ATP10B: variants seen among roughly 807,000 people sequenced by gnomAD.
The protein encoded by ATP10B is ATPase phospholipid transporting 10B (putative), also known as phospholipid-transporting ATPase VB.
ATP10B carries 122 observed loss-of-function variants against 141.2 expected under a neutral mutation model. The observed-to-expected ratio is 0.86, with a 90% CI of 0.75 to 1.00. ATP10B has a LOEUF of 1.00. ATP10B is among the 50% of genes least tolerant of loss of function. The probability of loss-of-function intolerance (pLI) is 0.00; values close to 1 mark genes in which losing one functional copy is unlikely to be tolerated. For synonymous variants in ATP10B, 685 were observed against 692.0 expected, an observed-to-expected ratio of 0.99 and a Z score of 0.16; for missense variants, 1,876 against 1,825.3, an observed-to-expected ratio of 1.03 and a Z score of -0.51.
intron 24 of ATP10B, among the ~76,000 whole-genome samples, chr5:160,581,866 CCCTT>C (rs1416206068): frequency 6.6e-6 from 1 of 151,530 alleles, no homozygotes; most frequent in Non-Finnish European, 1.5e-5. Context: ...GGATAGTTAG[CCCTT>C]CCTGTTGCAT....
At chr5:160,797,148 G>C (rs1772003599) in intron 1 of ATP10B, among the ~76,000 whole-genome samples, 1 of 152,098 alleles carries the variant, frequency 6.6e-6, no homozygotes, top group Admixed American at 6.5e-5. Context: ...CCCTGGCTGG[G>C]AAAGGCATCC....
In ATP10B at chr5:160,677,542, T is replaced by A. The variant is rs950944065; in HGVS notation, c.471-6875A>T. 1.1e-4 allele frequency among the ~76,000 whole-genome samples: 17 copies of A among 152,220 alleles called. 1 individual carries two copies. Among genetic ancestry groups the A allele is most frequent in the Admixed American group, 1.1e-3 (17 of 15,282 alleles). ...AGAGCTTGGAGTCGAGTTCTATGGT[T>A]AAAGATTTTTTTGTCTTCTTTCATG... On this transcript the variant is annotated intron_variant, in intron 6 of 25. Coordinates refer to ENST00000327245, the MANE Select transcript of ATP10B (RefSeq NM_025153.3).
At chr5:160,892,723 C>T in the ATP10B span, among the ~76,000 whole-genome samples, 16 of 152,178 alleles carry the variant, frequency 1.1e-4, no homozygotes, top group South Asian at 2.7e-3. Context: ...AAGTAAAAAA[C>T]GATAATAAGA....
At chr5:160,857,293 A>ATT in the ATP10B span, among the ~76,000 whole-genome samples, 7 of 145,154 alleles carry the variant, frequency 4.8e-5, no homozygotes, top group South Asian at 1.5e-3. Context: ...GGTAGTTTGT[A>ATT]TTTTTTTTTT....
At chr5:160,850,605 G>A (rs562280512) in intron 1 of ATP10B, among the ~76,000 whole-genome samples, 1 of 152,248 alleles carries the variant, frequency 6.6e-6, no homozygotes, top group South Asian at 2.1e-4. Flanking sequence ...TCCTTTGAAA[G>A]GCAGCCTCCT....
At chr5:160,861,282 CTACCA>C in the ATP10B span, among the ~76,000 whole-genome samples, 895 of 151,926 alleles carry the variant, frequency 5.9e-3, 12 homozygotes, top group African/African-American at 0.021. Context: ...AGAGAACTAC[CTACCA>C]TAATTCTCTT....
In ATP10B at chr5:160,598,630, C is replaced by T. The variant is rs951444129; in HGVS notation, c.3564+140G>A. ...GGGTCAGGAAAGGAGAGAGGAGTTA[C>T]TCAAAGTAAATGATGGAACAGTGGT... is the stretch of plus-strand genomic sequence containing the variant. On this transcript the variant is annotated intron_variant, in intron 22 of 25. Coordinates refer to ENST00000327245, the MANE Select transcript of ATP10B (RefSeq NM_025153.3). 42 of 769,928 alleles carry T rather than the reference C, an allele frequency of 5.5e-5. No homozygotes were observed. In the East Asian group the frequency reaches 8.7e-4, roughly 16 times the overall value. 47.7% of individuals were successfully genotyped at this position (769,928 alleles called of 1,614,324 possible).
chr5:160,897,143 T>G, the ATP10B span, among the ~76,000 whole-genome samples: 1 of 152,182 alleles, frequency 6.6e-6, no homozygotes, highest in Non-Finnish European at 1.5e-5. Flanking sequence ...AAGATGATAA[T>G]GCCCTTTCTC....
At chr5:160,823,221 G>T (rs1774315335) in intron 1 of ATP10B, among the ~76,000 whole-genome samples, 1 of 151,700 alleles carries the variant, frequency 6.6e-6, no homozygotes, top group Non-Finnish European at 1.5e-5. Context: ...AAAAAGGAAT[G>T]AAATCATGTC....
chr5:160,657,628 T>C (rs1189875441), intron 7 of ATP10B, among the ~76,000 whole-genome samples: 5 of 152,188 alleles, frequency 3.3e-5, no homozygotes, highest in African/African-American at 1.2e-4. Context: ...GAGATCTTGC[T>C]ATGGCATTTC....
intron 7 of ATP10B, among the ~76,000 whole-genome samples, chr5:160,657,247 G>A (rs1761578545): frequency 6.6e-6 from 1 of 152,138 alleles, no homozygotes; most frequent in Non-Finnish European, 1.5e-5. Flanking sequence ...GCTGAGCTAG[G>A]TGATTGAGGT....
intron 23 of ATP10B, 148 bp from the exon 24 acceptor site, chr5:160,589,844 C>G (rs574705242): frequency 1.6e-6 from 1 of 623,166 alleles, no homozygotes; most frequent in South Asian, 2.0e-5. Context: ...ATCCGAGGAA[C>G]AGGTCAAGGT....
intron 24 of ATP10B, among the ~76,000 whole-genome samples, chr5:160,573,777 C>T (rs1242632755): frequency 1.3e-5 from 2 of 152,062 alleles, no homozygotes; most frequent in African/African-American, 2.4e-5. Context: ...AGGTTGGGGA[C>T]CACTGCTTTA....
At chr5:160,726,192 C>G (rs992182778) in intron 2 of ATP10B, among the ~76,000 whole-genome samples, 2 of 152,186 alleles carry the variant, frequency 1.3e-5, no homozygotes, top group African/African-American at 4.8e-5. Context: ...GTGCTTTAGA[C>G]CTTTTCTCTG....
At chr5:160,714,719 T>C (rs1380689857) in intron 3 of ATP10B, among the ~76,000 whole-genome samples, 1 of 110,758 alleles carries the variant, frequency 9.0e-6, no homozygotes, top group Non-Finnish European at 1.8e-5. Context: ...AGTTTTTCTG[T>C]TCTGTTTTTT....
intron 2 of ATP10B, among the ~76,000 whole-genome samples, chr5:160,765,961 A>G (rs1769375317): frequency 6.6e-6 from 1 of 152,162 alleles, no homozygotes; most frequent in Non-Finnish European, 1.5e-5. Flanking sequence ...AAAATGCTCA[A>G]CATCACTAAT....
intron 2 of ATP10B, among the ~76,000 whole-genome samples, chr5:160,769,110 T>C (rs1003539249): frequency 3.3e-5 from 5 of 152,188 alleles, no homozygotes; most frequent in Admixed American, 3.3e-4. Context: ...AGAGTTTCCA[T>C]AGATGAGTTG....
At chr5:160,595,102 C>T (rs1756585121) in intron 22 of ATP10B, among the ~76,000 whole-genome samples, 1 of 152,162 alleles carries the variant, frequency 6.6e-6, no homozygotes, top group African/African-American at 2.4e-5. Flanking sequence ...TTCTCAGCAC[C>T]ACATCACACT....
intron 2 of ATP10B, among the ~76,000 whole-genome samples, chr5:160,747,213 A>T (rs970736647): frequency 8.5e-5 from 13 of 152,096 alleles, no homozygotes; most frequent in African/African-American, 3.1e-4. Flanking sequence ...CCATTTTCTT[A>T]TTCTAGAACC....
Sources: gnomAD v4.1 joint callset for allele counts (sites outside exome capture counted in the v4.1 genomes callset) on GRCh38, gnomAD v4.1.1 for gene constraint, MANE v1.5 for transcripts, NCBI Gene and HGNC (gene_info 2026-07-23, HGNC 2026-07-21) for gene names.